Variants in ATRNL1 observed in about 807,000 individuals in gnomAD.
ATRNL1 encodes attractin-like protein 1.
ATRNL1 carries 95 observed loss-of-function variants against 182.7 expected under a neutral mutation model. That is an observed-to-expected ratio of 0.52 (90% CI 0.44 to 0.62). The LOEUF is 0.62. ATRNL1 is among the 20% of genes least tolerant of loss of function. The pLI is 0.00. For synonymous variants in ATRNL1, 576 were observed against 568.3 expected, an observed-to-expected ratio of 1.01 and a Z score of -0.19; for missense variants, 1,471 against 1,679.5, an observed-to-expected ratio of 0.88 and a Z score of 2.17.
intron 26 of ATRNL1, among the ~76,000 whole-genome samples, chr10:115,577,610 T>TTGTGTGTGTG (rs3981280): frequency 0.047 from 6,403 of 134,946 alleles, 194 homozygotes; most frequent in Admixed American, 0.059. Flanking sequence ...TTCTAACAGG[T>TTGTGTGTGTG]TGTGTGTGTG....
intron 21 of ATRNL1, among the ~76,000 whole-genome samples, chr10:115,435,772 A>G (rs1444437998): frequency 6.6e-6 from 1 of 152,212 alleles, no homozygotes; most frequent in Non-Finnish European, 1.5e-5. Context: ...TAACACTTAC[A>G]TAGTATAAAA....
At chr10:115,448,637 C>T (rs1224993730) in intron 21 of ATRNL1, among the ~76,000 whole-genome samples, 1 of 151,814 alleles carries the variant, frequency 6.6e-6, no homozygotes, top group Non-Finnish European at 1.5e-5. Flanking sequence ...AACAAATCAA[C>T]CCCAAAGTTA....
intron 27 of ATRNL1, among the ~76,000 whole-genome samples, chr10:115,761,698 T>C (rs782421998): frequency 1.2e-4 from 19 of 152,204 alleles, no homozygotes; most frequent in Non-Finnish European, 2.4e-4. Context: ...GAATAAACTT[T>C]GGAGTCACAG....
At chr10:115,897,834 T>A (rs1555112882) in intron 28 of ATRNL1, among the ~76,000 whole-genome samples, 1 of 152,242 alleles carries the variant, frequency 6.6e-6, no homozygotes. Context: ...CTTCTTTGTT[T>A]ATCTAATAGG....
chr10:115,465,754 A>G (rs1848024315), intron 22 of ATRNL1, among the ~76,000 whole-genome samples: 1 of 151,572 alleles, frequency 6.6e-6, no homozygotes, highest in South Asian at 2.1e-4. Context: ...AAATTCTCAG[A>G]TGCTTTCTCC....
At position 115,211,428 on chromosome 10, in the gene ATRNL1, A is replaced by G. The variant is rs1849019238; in HGVS notation, c.1349-4269A>G. On this transcript the variant is annotated intron_variant, in intron 8 of 28. Coordinates refer to ENST00000355044, the MANE Select transcript of ATRNL1 (RefSeq NM_207303.4). ...TTATTATTAAAATTATTGTTTTTCT[A>G]GGTAATTTGTCATTTCACTCTGGCT... is the stretch of plus-strand genomic sequence containing the variant. Among the ~76,000 whole-genome samples, 5 of 151,718 alleles carry G rather than the reference A, an allele frequency of 3.3e-5. No homozygotes were observed. The South Asian group carries it at 1.0e-3, about 31-fold the overall frequency.
At chr10:115,749,692 A>G (rs1421176197) in intron 27 of ATRNL1, among the ~76,000 whole-genome samples, 1 of 151,890 alleles carries the variant, frequency 6.6e-6, no homozygotes, top group Non-Finnish European at 1.5e-5. Context: ...TTTAGACCTT[A>G]GTAACTTGTA....
intron 21 of ATRNL1, among the ~76,000 whole-genome samples, chr10:115,440,897 A>C (rs1201301189): frequency 6.6e-6 from 1 of 151,870 alleles, no homozygotes; most frequent in Non-Finnish European, 1.5e-5. Flanking sequence ...AGTGTTTTAA[A>C]ACTTCATCTC....
At chr10:115,849,628 T>C (rs1951008010) in intron 28 of ATRNL1, among the ~76,000 whole-genome samples, 1 of 152,206 alleles carries the variant, frequency 6.6e-6, no homozygotes, top group African/African-American at 2.4e-5. Context: ...CTTTACTCTT[T>C]CTAAAATGTT....
At chr10:115,333,021 A>G (rs1207596595) in intron 18 of ATRNL1, among the ~76,000 whole-genome samples, 2 of 152,334 alleles carry the variant, frequency 1.3e-5, no homozygotes, top group East Asian at 3.9e-4. Flanking sequence ...TGGCCAAGGC[A>G]TGGTGTTTAC....
chr10:115,409,542 A>G (rs954896707), intron 20 of ATRNL1, among the ~76,000 whole-genome samples: 9 of 152,112 alleles, frequency 5.9e-5, no homozygotes, highest in Non-Finnish European at 1.0e-4. Context: ...CTCTTTTCCA[A>G]TTTGGATGCC....
chr10:115,355,450 T>C lies in ATRNL1; in HGVS notation c.3175+21031T>C, dbSNP rs530779833. The stretch of plus-strand genomic sequence containing the variant: ...TCTGAAAGTGAAGGGAGAATTCCTT[T>C]TGTTATCAGGCAAAGTCCCTTTCTG... On this transcript the variant is annotated intron_variant, in intron 19 of 28. Coordinates refer to ENST00000355044, the MANE Select transcript of ATRNL1 (RefSeq NM_207303.4). Among the ~76,000 whole-genome samples, 3 of 152,258 alleles carry C rather than the reference T, an allele frequency of 2.0e-5. No homozygotes were observed. In the East Asian group the frequency reaches 5.8e-4, roughly 29 times the overall value.
chr10:115,297,068 G>C (rs1853229935), intron 15 of ATRNL1, among the ~76,000 whole-genome samples: 1 of 152,134 alleles, frequency 6.6e-6, no homozygotes, highest in South Asian at 2.1e-4. Flanking sequence ...ATGTCTTACA[G>C]GATTTGGAGT....
At chr10:115,164,984 C>A (rs1344264862) in intron 6 of ATRNL1, among the ~76,000 whole-genome samples, 9 of 151,726 alleles carry the variant, frequency 5.9e-5, no homozygotes, top group African/African-American at 1.9e-4. Flanking sequence ...TGTTATGCTC[C>A]CAACACAAAG....
At chr10:115,157,674 T>C (rs1409475396) in intron 5 of ATRNL1, among the ~76,000 whole-genome samples, 1 of 152,118 alleles carries the variant, frequency 6.6e-6, no homozygotes, top group African/African-American at 2.4e-5. Flanking sequence ...TGTAATTATA[T>C]TTAGAGCCAA....
rs539207953 is a variant in ATRNL1, at chr10:115,393,721, T to C, written c.3176-938T>C. Among the ~76,000 whole-genome samples, 9 of 152,240 alleles carry C rather than the reference T, an allele frequency of 5.9e-5. No homozygotes were observed. In the South Asian group the frequency reaches 1.5e-3, roughly 25 times the overall value. ...TAAGAGAAAGTGGATGACAATACTT[T>C]GTGGTGGCTGTTAGAATGAAAAGGA... On this transcript the variant is annotated intron_variant, in intron 19 of 28. Transcript: ENST00000355044.
chr10:115,844,342 A>G (rs538400933), intron 27 of ATRNL1, among the ~76,000 whole-genome samples: 3 of 152,212 alleles, frequency 2.0e-5, no homozygotes, highest in African/African-American at 7.2e-5. Context: ...TGGAAGAACA[A>G]GTAGCCAGCT....
chr10:115,185,847 A>G (rs1847918841), intron 8 of ATRNL1, among the ~76,000 whole-genome samples: 1 of 152,054 alleles, frequency 6.6e-6, no homozygotes, highest in Admixed American at 6.6e-5. Context: ...GGGGAATTGG[A>G]CACTGTGTGC....
At chr10:115,619,273 C>T (rs1412306438) in intron 26 of ATRNL1, among the ~76,000 whole-genome samples, 2 of 152,068 alleles carry the variant, frequency 1.3e-5, no homozygotes, top group African/African-American at 4.8e-5. Flanking sequence ...TGGTGAGTCC[C>T]ATGTGTGGTG....
Sources: allele counts gnomAD v4.1 joint callset (sites outside exome capture counted in the v4.1 genomes callset), GRCh38; gene constraint gnomAD v4.1.1; transcripts MANE v1.5; gene names NCBI Gene and HGNC (gene_info 2026-07-23, HGNC 2026-07-21).